Variants in NRG3 observed in about 807,000 individuals in gnomAD.
The protein encoded by NRG3 is pro-neuregulin-3, membrane-bound isoform.
In NRG3, 31 loss-of-function variants were observed where a neutral mutation model predicts 66.9. That is an observed-to-expected ratio of 0.46 (90% CI 0.35 to 0.63). The LOEUF (loss-of-function observed/expected upper bound fraction) is 0.63. Among genes scored for constraint, NRG3 ranks in the 20% least tolerant of loss-of-function variants. NRG3 has a pLI of 0.00. For synonymous variants in NRG3, 393 were observed against 359.4 expected (o/e 1.09, Z -1.06); for missense variants, 910 against 878.9 (o/e 1.04, Z -0.45).
At chr10:82,723,915 G>T (rs1323806968) in intron 2 of NRG3, among the ~76,000 whole-genome samples, 3 of 152,016 alleles carry the variant, frequency 2.0e-5, no homozygotes, top group Admixed American at 1.3e-4. Context: ...GGGAGGTGGA[G>T]GTTGCAGAGA....
intron 2 of NRG3, among the ~76,000 whole-genome samples, chr10:82,578,129 A>G (rs1363831196): frequency 6.6e-6 from 1 of 151,330 alleles, no homozygotes; most frequent in Non-Finnish European, 1.5e-5. Context: ...TTCAATATTT[A>G]ATTCATTAAC....
rs2069670974 is a variant in NRG3 at position 82,140,247 on chromosome 10, T to A, written c.824-218492T>A. ...TTATTTTACGGATTTCCCTCTTGTG[T>A]CAGATCTCTAGAAATTCTCACTTTT... On this transcript the variant is annotated intron_variant, in intron 1 of 8. Transcript: ENST00000372141. Among the ~76,000 whole-genome samples the A allele has an allele frequency of 2.6e-5, 4 of 152,250 alleles. No individual in the cohort carries two copies. The South Asian group carries it at 6.2e-4, about 24-fold the overall frequency.
At chr10:82,471,365 T>A (rs1005836049) in intron 2 of NRG3, among the ~76,000 whole-genome samples, 1 of 152,062 alleles carries the variant, frequency 6.6e-6, no homozygotes, top group African/African-American at 2.4e-5. Flanking sequence ...GGGGATCTCT[T>A]TAAACTTGGC....
At chr10:82,148,125 A>G (rs1221628283) in intron 1 of NRG3, among the ~76,000 whole-genome samples, 2 of 152,180 alleles carry the variant, frequency 1.3e-5, no homozygotes, top group Non-Finnish European at 2.9e-5. Context: ...CTCCTCTGAT[A>G]GAAGTCAAAC....
At chr10:82,856,756 C>CAAA (rs67224862) in intron 3 of NRG3, among the ~76,000 whole-genome samples, 5 of 107,472 alleles carry the variant, frequency 4.7e-5, no homozygotes, top group African/African-American at 1.1e-4. Context: ...AAAAAAAAAA[C>CAAA]AAAAAAAAAA....
At chr10:82,867,792 A>C (rs1050911885) in intron 4 of NRG3, among the ~76,000 whole-genome samples, 1 of 152,218 alleles carries the variant, frequency 6.6e-6, no homozygotes, top group Admixed American at 6.5e-5. Context: ...TAGCTGAGTC[A>C]TGGGCCACAA....
At chr10:82,404,572 T>A (rs1381284241) in intron 2 of NRG3, among the ~76,000 whole-genome samples, 4 of 152,164 alleles carry the variant, frequency 2.6e-5, no homozygotes, top group Admixed American at 2.0e-4. Flanking sequence ...AATGATTGAA[T>A]GAATGAATGA....
chr10:82,984,377 T>C lies in NRG3; in HGVS notation c.1584-721T>C, dbSNP rs117267594. 7.8e-3 allele frequency among the ~76,000 whole-genome samples: 1,185 copies of C among 152,318 alleles called. 46 individuals are homozygous for C. Among genetic ancestry groups the C allele is most frequent in the Admixed American group, 0.066 (1,003 of 15,304 alleles). ...GAACTACCTTACTTGGTTTCTTGGTTACTTGGTTGTAAGGAAAGATGCTAG... is the reference window on the plus strand; with the variant it reads ...GAACTACCTTACTTGGTTTCTTGGTCACTTGGTTGTAAGGAAAGATGCTAG... On this transcript the variant is annotated intron_variant, in intron 8 of 8. Transcript: ENST00000372141.
chr10:82,569,546 A>T (rs1031208880), intron 2 of NRG3, among the ~76,000 whole-genome samples: 1 of 151,754 alleles, frequency 6.6e-6, no homozygotes, highest in African/African-American at 2.4e-5. Context: ...TTAAGTCTAC[A>T]GTGGATTGAT....
At chr10:82,568,151 T>A (rs1194258649) in intron 2 of NRG3, among the ~76,000 whole-genome samples, 1 of 151,876 alleles carries the variant, frequency 6.6e-6, no homozygotes, top group African/African-American at 2.4e-5. Flanking sequence ...ACAAATGCCA[T>A]ACCCTTCATT....
intron 2 of NRG3, among the ~76,000 whole-genome samples, chr10:82,647,652 CCT>C (rs1222813692): frequency 2.7e-5 from 4 of 150,114 alleles, no homozygotes; most frequent in African/African-American, 9.7e-5. Flanking sequence ...TTCTCCACAT[CCT>C]CTCCAGCACC....
At chr10:82,465,428 C>T (rs1840581067) in intron 2 of NRG3, among the ~76,000 whole-genome samples, 1 of 152,172 alleles carries the variant, frequency 6.6e-6, no homozygotes, top group Admixed American at 6.5e-5. Flanking sequence ...GCACCAGGAT[C>T]CCTTTGTCTT....
chr10:82,061,646 G>T (rs1338579120), intron 1 of NRG3, among the ~76,000 whole-genome samples: 1 of 152,120 alleles, frequency 6.6e-6, no homozygotes, highest in Admixed American at 6.5e-5. Flanking sequence ...TGTGTTTGTA[G>T]AGTGAGCTCA....
In NRG3 at chr10:82,959,184, G is replaced by A; in HGVS notation, c.1284+109G>A. 2.3e-6 allele frequency: 3 copies of A among 1,277,306 alleles called. No homozygotes were observed. In the African/African-American group the frequency reaches 4.5e-5, roughly 19 times the overall value. 79.1% of individuals were successfully genotyped at this position (1,277,306 alleles called of 1,614,324 possible). ...TGTAAATATTTTTCAGAGCTTTATAGGGTTTTGCTTAAATCGTTTTAACAG... is the reference window on the plus strand; with the variant it reads ...TGTAAATATTTTTCAGAGCTTTATAAGGTTTTGCTTAAATCGTTTTAACAG... On this transcript the variant is annotated intron_variant, in intron 6 of 8. Coordinates refer to ENST00000372141, the MANE Select transcript of NRG3 (RefSeq NM_001010848.4).
At position 81,875,330 on chromosome 10, in the gene NRG3, C is replaced by T. The variant is rs1841521661; in HGVS notation, c.-11C>T. 1.0e-5 allele frequency: 10 copies of T among 986,328 alleles called. No homozygotes were observed. Among genetic ancestry groups the T allele is most frequent in the Non-Finnish European group, 1.2e-5 (10 of 831,984 alleles). The allele number at this position is 986,328 out of a possible 1,614,324, so 61.1% of individuals were successfully genotyped here. A position where few individuals can be genotyped will look rare whatever the true frequency, so the allele number is the denominator to read the frequency against. ...CCCTCGGGGGGGCGAAGGTGAAGAC[C>T]GGCTCCTAGGATGAGTGAAGGGGCG... On this transcript the variant is annotated 5_prime_UTR_variant, in exon 1 of 9. Transcript: ENST00000372141. This position sits in a 1 kb window ranked among gnomAD's most constrained non-coding sequence, Gnocchi z 5.3.
chr10:82,950,337 A>G (rs1849402931), intron 4 of NRG3, among the ~76,000 whole-genome samples: 1 of 152,130 alleles, frequency 6.6e-6, no homozygotes, highest in Admixed American at 6.5e-5. Context: ...AGAGTGAGAG[A>G]GGGAAAGTTG....
At chr10:82,841,629 T>A (rs779914162) in intron 3 of NRG3, among the ~76,000 whole-genome samples, 6 of 152,144 alleles carry the variant, frequency 3.9e-5, no homozygotes, top group Non-Finnish European at 7.3e-5. Context: ...AGTTTTGCTC[T>A]TCAGGCCTTT....
intron 4 of NRG3, among the ~76,000 whole-genome samples, chr10:82,867,286 C>G (rs1268085500): frequency 6.6e-6 from 1 of 152,182 alleles, no homozygotes; most frequent in Non-Finnish European, 1.5e-5. Context: ...TTAACTGCAT[C>G]TAGCCAGCAG....
At chr10:82,184,913 T>C (rs889116171) in intron 1 of NRG3, among the ~76,000 whole-genome samples, 3 of 152,120 alleles carry the variant, frequency 2.0e-5, no homozygotes, top group African/African-American at 7.2e-5. Context: ...TATATCTAAT[T>C]TGAAATGAGA....
Sources: allele counts gnomAD v4.1 joint callset (sites outside exome capture counted in the v4.1 genomes callset), GRCh38; gene constraint gnomAD v4.1.1; non-coding constraint Gnocchi (gnomAD v3.1); transcripts MANE v1.5; gene names NCBI Gene and HGNC (gene_info 2026-07-23, HGNC 2026-07-21).